The following PIRT variants were observed in gnomAD, a reference collection of about 807,000 sequenced individuals.
PIRT encodes the protein phosphoinositide interacting regulator of transient receptor potential channels.
PIRT carries 6 observed loss-of-function variants against 7.9 expected under a neutral mutation model. That is an observed-to-expected ratio of 0.76 (90% CI 0.42 to 1.51). The LOEUF (loss-of-function observed/expected upper bound fraction) is 1.51. Ranked by LOEUF, PIRT falls within the 40% of genes most tolerant of loss-of-function variation. PIRT has a pLI of 0.01. For synonymous variants in PIRT, 78 were observed against 71.8 expected (o/e 1.09, Z -0.44); for missense variants, 170 against 172.9 (o/e 0.98, Z 0.09).
chr17:10,828,926 T>C (rs1905398044), intron 1 of PIRT, among the ~76,000 whole-genome samples: 1 of 152,252 alleles, frequency 6.6e-6, no homozygotes, highest in African/African-American at 2.4e-5. Flanking sequence ...CTCTGCTTCC[T>C]AAGACTCTGA....
intron 1 of PIRT, among the ~76,000 whole-genome samples, chr17:10,828,637 G>A (rs1905388963): frequency 6.6e-6 from 1 of 152,162 alleles, no homozygotes; most frequent in Non-Finnish European, 1.5e-5. Context: ...GGAGCCACCA[G>A]CTCCAGACAC....
rs1567614776 is a variant in PIRT, at chr17:10,823,141, GC to G, written c.*2090del. 6.6e-6 allele frequency: 1 copy of G among 152,168 alleles called. No homozygotes were observed. Among genetic ancestry groups the G allele is most frequent in the Non-Finnish European group, 1.5e-5 (1 of 68,038 alleles). 9.4% of individuals were successfully genotyped at this position (152,168 alleles called of 1,614,324 possible). On this transcript the variant is annotated 3_prime_UTR_variant, in exon 2 of 2. Coordinates refer to ENST00000580256, the MANE Select transcript of PIRT (RefSeq NM_001101387.2). ...AGGAATGCAAGAGTAATATTATAGG[GC>G]CATCAAATCTGCATTCATCTCAGAA...
intron 1 of PIRT, among the ~76,000 whole-genome samples, chr17:10,837,611 C>A (rs545952052): frequency 6.6e-6 from 1 of 152,326 alleles, no homozygotes; most frequent in South Asian, 2.1e-4. Context: ...CCCTGCCCAG[C>A]CCTTCCCACA....
chr17:10,823,045 G>A lies in PIRT; in HGVS notation c.*2187C>T. 6.6e-6 allele frequency: 1 copy of A among 152,272 alleles called. No homozygotes were observed. Among genetic ancestry groups the A allele is most frequent in the East Asian group, 1.9e-4 (1 of 5,182 alleles). 9.4% of individuals were successfully genotyped at this position (152,272 alleles called of 1,614,324 possible). ...CAATCTCCTGGGCAGAGGAAATGAG[G>A]CACCTGGAGTGTGGGTTTCCAGTGA... On this transcript the variant is annotated 3_prime_UTR_variant, in exon 2 of 2. Transcript: ENST00000580256.
chr17:10,832,831 C>T (rs1241634137), intron 1 of PIRT, among the ~76,000 whole-genome samples: 1 of 152,172 alleles, frequency 6.6e-6, no homozygotes, highest in African/African-American at 2.4e-5. Flanking sequence ...ACTGGTTTTC[C>T]CTAGGTAGTT....
chr17:10,827,163 GTT>G (rs1905341375), intron 1 of PIRT, among the ~76,000 whole-genome samples: 1 of 152,112 alleles, frequency 6.6e-6, no homozygotes. Context: ...TACCCTCCAT[GTT>G]AATTACATCA....
intron 1 of PIRT, among the ~76,000 whole-genome samples, chr17:10,826,392 C>A (rs1329988460): frequency 1.3e-5 from 2 of 152,214 alleles, no homozygotes; most frequent in African/African-American, 4.8e-5. Context: ...AATGTTACTT[C>A]TTTCATAGAA....
At chr17:10,837,192 C>A (rs1411526658) in intron 1 of PIRT, among the ~76,000 whole-genome samples, 1 of 152,234 alleles carries the variant, frequency 6.6e-6, no homozygotes, top group Non-Finnish European at 1.5e-5. Context: ...CCTTGTTGGG[C>A]CACCCGGCTG....
intron 1 of PIRT, among the ~76,000 whole-genome samples, chr17:10,835,854 A>G (rs2151536426): frequency 6.6e-6 from 1 of 150,682 alleles, no homozygotes; most frequent in South Asian, 2.1e-4. Flanking sequence ...TATCATTCCC[A>G]TTTTGCAGCT....
chr17:10,829,573 C>T (rs934490678), intron 1 of PIRT, among the ~76,000 whole-genome samples: 13 of 152,168 alleles, frequency 8.5e-5, no homozygotes, highest in African/African-American at 2.4e-4. Context: ...CCAAGGTCTT[C>T]GGCCTCAAAG....
chr17:10,837,532 G>A (rs1230954442), intron 1 of PIRT, among the ~76,000 whole-genome samples: 1 of 152,212 alleles, frequency 6.6e-6, no homozygotes, highest in Admixed American at 6.5e-5. Context: ...GTACTCTGGG[G>A]TCTGGGGGTG....
At chr17:10,829,995 CTATCTATCTATCT>C (rs771033433) in intron 1 of PIRT, among the ~76,000 whole-genome samples, 1 of 151,018 alleles carries the variant, frequency 6.6e-6, no homozygotes, top group African/African-American at 2.5e-5. Flanking sequence ...ATCTATCTAT[CTATCTATCTATCT>C]ATCATCATCA....
intron 1 of PIRT, among the ~76,000 whole-genome samples, chr17:10,829,834 T>C (rs1311673249): frequency 2.6e-5 from 4 of 152,208 alleles, no homozygotes; most frequent in Non-Finnish European, 5.9e-5. Flanking sequence ...GAGATCATAA[T>C]GTAATGGAGT....
At chr17:10,837,831 C>A in intron 1 of PIRT, 114 bp downstream of exon 1, 1 of 152,376 alleles carries the variant, frequency 6.6e-6, no homozygotes. Flanking sequence ...GTTGTTCATG[C>A]TTGCCTTCCA....
Position 10,825,504 on chromosome 17 carries a change from T to C in PIRT, c.142A>G (p.Asn48Asp). The change falls in exon 2 of 2, where the codon AAC becomes GAC. Residue 48 changes from asparagine to aspartate, a missense_variant. Coordinates refer to ENST00000580256, the MANE Select transcript of PIRT (RefSeq NM_001101387.2). ...ATGGGCTTGCGGTAGATTTCCCAGT[T>C]ACTCCTGGGGGTGGTGGTCCAGACA... is the stretch of plus-strand genomic sequence containing the variant. ...ESVWTTTPRSNWEIYRKPIVI... is the reference protein window; with the variant it reads ...ESVWTTTPRSDWEIYRKPIVI... 6.2e-7 allele frequency: 1 copy of C among 1,613,830 alleles called. No homozygotes were observed. Among genetic ancestry groups the C allele is most frequent in the South Asian group, 1.1e-5 (1 of 91,050 alleles).
In PIRT at chr17:10,823,522, G is replaced by A. The variant is rs1014201948; in HGVS notation, c.*1710C>T. 1 of 152,362 alleles carries A rather than the reference G, an allele frequency of 6.6e-6. No individual in the cohort carries two copies. The highest frequency in any genetic ancestry group is 6.5e-5 in the Admixed American group (1 of 15,290). 9.4% of individuals were successfully genotyped at this position (152,362 alleles called of 1,614,324 possible). On this transcript the variant is annotated 3_prime_UTR_variant, in exon 2 of 2. Coordinates refer to ENST00000580256, the MANE Select transcript of PIRT (RefSeq NM_001101387.2). ...ATGGGGATATCTGGAGGGCCATGGT[G>A]ACTGGGAAGGCCACAAGGCTGAGGA... is the stretch of plus-strand genomic sequence containing the variant.
chr17:10,834,692 C>T (rs1054089585), intron 1 of PIRT, among the ~76,000 whole-genome samples: 73 of 152,016 alleles, frequency 4.8e-4, no homozygotes, highest in Admixed American at 2.6e-4. Flanking sequence ...CCCGGGTTCA[C>T]GCCATTCTCC....
In PIRT at chr17:10,825,514, G is replaced by C; in HGVS notation, c.132C>G (p.Thr44=). Residue 44 remains threonine, a synonymous_variant, in exon 2 of 2, where the codon ACC becomes ACG. Coordinates refer to ENST00000580256, the MANE Select transcript of PIRT (RefSeq NM_001101387.2). ...SSRSESVWTT[T]PRSNWEIYRK... is the part of the protein sequence containing the mutation. ...GGTAGATTTCCCAGTTACTCCTGGG[G>C]GTGGTGGTCCAGACAGACTCGCTCC... 1 of 1,613,592 alleles carries C rather than the reference G, an allele frequency of 6.2e-7. No homozygotes were observed. The highest frequency in any genetic ancestry group is 8.5e-7 in the Non-Finnish European group (1 of 1,179,726).
chr17:10,827,648 T>C (rs1905366390), intron 1 of PIRT, among the ~76,000 whole-genome samples: 1 of 151,704 alleles, frequency 6.6e-6, no homozygotes, highest in Non-Finnish European at 1.5e-5. Context: ...CTAATTTTTG[T>C]ATTTTTAGTA....
Sources: gnomAD v4.1 joint callset for allele counts (sites outside exome capture counted in the v4.1 genomes callset) on GRCh38, gnomAD v4.1.1 for gene constraint, MANE v1.5 for transcripts, NCBI Gene and HGNC (gene_info 2026-07-23, HGNC 2026-07-21) for gene names.